Variants in CREB5 observed in about 807,000 individuals in gnomAD.
CREB5 encodes the protein cyclic AMP-responsive element-binding protein 5.
In CREB5, 19 loss-of-function variants were observed where a neutral mutation model predicts 57.1. The ratio of observed to expected loss-of-function variants is 0.33; its 90% CI spans 0.23 to 0.49. The LOEUF is 0.49. Ranked by LOEUF, CREB5 falls within the 20% of genes least tolerant of loss-of-function variation. The pLI is 0.99. For missense variants in CREB5, 579 were observed against 671.6 expected (o/e 0.86, Z 1.52); for synonymous variants, 238 against 238.3 (o/e 1.00, Z 0.01).
chr7:28,535,699 G>A (rs1384355785), intron 4 of CREB5, among the ~76,000 whole-genome samples: 1 of 151,994 alleles, frequency 6.6e-6, no homozygotes, highest in East Asian at 1.9e-4. Flanking sequence ...GAAAAAGGAA[G>A]AGAAGTAATG....
At chr7:28,796,982 G>A (rs1022224858) in intron 7 of CREB5, among the ~76,000 whole-genome samples, 33 of 152,224 alleles carry the variant, frequency 2.2e-4, no homozygotes, top group Non-Finnish European at 1.5e-5. Flanking sequence ...TCCAAGAGAC[G>A]CAGGGAAGTG....
At chr7:28,762,979 A>T (rs1805750428) in intron 7 of CREB5, among the ~76,000 whole-genome samples, 1 of 152,112 alleles carries the variant, frequency 6.6e-6, no homozygotes. Context: ...CTTGTTTCTT[A>T]CCTCCACAGC....
At chr7:28,684,867 AG>A (rs1303760454) in intron 5 of CREB5, among the ~76,000 whole-genome samples, 2 of 152,146 alleles carry the variant, frequency 1.3e-5, no homozygotes, top group African/African-American at 2.4e-5. Context: ...GGGGAGAAAT[AG>A]CAAAACGGAG....
intron 4 of CREB5, among the ~76,000 whole-genome samples, chr7:28,566,773 G>A (rs1393929399): frequency 2.0e-5 from 3 of 152,200 alleles, no homozygotes; most frequent in African/African-American, 7.2e-5. Flanking sequence ...GAAGACTGGA[G>A]AATTTGCAGA....
At chr7:28,658,854 T>C (rs1799438309) in intron 5 of CREB5, among the ~76,000 whole-genome samples, 1 of 150,852 alleles carries the variant, frequency 6.6e-6, no homozygotes. Context: ...AGCATAGACA[T>C]AGACTATTTC....
At chr7:28,719,237 A>G (rs1326722770) in intron 6 of CREB5, among the ~76,000 whole-genome samples, 1 of 146,826 alleles carries the variant, frequency 6.8e-6, no homozygotes, top group Admixed American at 6.9e-5. Flanking sequence ...TCGTCTAACC[A>G]GGACTCAGGA....
intron 1 of CREB5, among the ~76,000 whole-genome samples, chr7:28,305,425 G>A (rs1293820817): frequency 6.6e-6 from 1 of 152,204 alleles, no homozygotes; most frequent in African/African-American, 2.4e-5. Flanking sequence ...CGACATCAGT[G>A]TGGACGTCAG....
At chr7:28,542,670 G>C (rs1014716850) in intron 4 of CREB5, among the ~76,000 whole-genome samples, 3 of 151,992 alleles carry the variant, frequency 2.0e-5, no homozygotes, top group African/African-American at 7.3e-5. Flanking sequence ...GCTTTTAACT[G>C]CTGTTAAGAT....
chr7:28,786,104 T>C (rs1006583330), intron 7 of CREB5, among the ~76,000 whole-genome samples: 2 of 152,138 alleles, frequency 1.3e-5, no homozygotes, highest in African/African-American at 4.8e-5. Flanking sequence ...TTGTACTCAG[T>C]TTCATGGCTG....
At chr7:28,606,634 A>G (rs952419463) in intron 5 of CREB5, among the ~76,000 whole-genome samples, 18 of 152,082 alleles carry the variant, frequency 1.2e-4, no homozygotes, top group Admixed American at 2.0e-4. Context: ...TTTTTTATCT[A>G]TATGCCCCTT....
At chr7:28,567,905 C>T (rs890019147) in intron 4 of CREB5, among the ~76,000 whole-genome samples, 3 of 151,160 alleles carry the variant, frequency 2.0e-5, no homozygotes, top group Non-Finnish European at 4.4e-5. Flanking sequence ...TCTTCCAAAC[C>T]GATGGCTTAG....
At chr7:28,743,301 G>A (rs1288098128) in intron 7 of CREB5, among the ~76,000 whole-genome samples, 1 of 152,160 alleles carries the variant, frequency 6.6e-6, no homozygotes, top group Non-Finnish European at 1.5e-5. Context: ...GGGAGGCTAA[G>A]ATAGAAGGAT....
At chr7:28,577,235 T>C (rs1795941600) in intron 5 of CREB5, among the ~76,000 whole-genome samples, 2 of 152,220 alleles carry the variant, frequency 1.3e-5, no homozygotes, top group Admixed American at 6.5e-5. Flanking sequence ...TCTCATTCAC[T>C]GCCTCTTTTC....
chr7:28,490,892 C>G (rs1399249418), intron 2 of CREB5, among the ~76,000 whole-genome samples: 1 of 137,466 alleles, frequency 7.3e-6, no homozygotes, highest in Non-Finnish European at 1.7e-5. Context: ...TTGCTGTAAA[C>G]CCTTCTTCTT....
At chr7:28,628,420 C>T (rs1422553678) in intron 5 of CREB5, among the ~76,000 whole-genome samples, 3 of 152,172 alleles carry the variant, frequency 2.0e-5, no homozygotes, top group African/African-American at 4.8e-5. Flanking sequence ...GGCTTAGCAT[C>T]TGTCAGTCTA....
In CREB5 at chr7:28,348,382, T is replaced by G. The variant is rs558359130; in HGVS notation, c.-25+48941T>G. On this transcript the variant is annotated intron_variant, in intron 1 of 9. Coordinates refer to the CREB5 transcript ENST00000396299. ...CATGCGCCTGCTTTCTCTCTCTCTC[T>G]GTCTCTCTCTCTCTGTCTCTCTCTC... Among the ~76,000 whole-genome samples the G allele has an allele frequency of 3.1e-3, 227 of 73,974 alleles. 1 individual carries two copies. The highest frequency in any genetic ancestry group is 8.1e-3 in the African/African-American group (208 of 25,754). The allele number at this position is 73,974 out of a possible 152,430, so 48.5% of individuals were successfully genotyped here. A position where few individuals can be genotyped will look rare whatever the true frequency, so the allele number is the denominator to read the frequency against.
intron 1 of CREB5, among the ~76,000 whole-genome samples, chr7:28,388,295 G>A (rs1045383907): frequency 6.6e-6 from 1 of 152,174 alleles, no homozygotes; most frequent in Non-Finnish European, 1.5e-5. Flanking sequence ...CCAGAGCCCA[G>A]GCTGAGAAGA....
At chr7:28,599,335 T>G (rs1796816618) in intron 5 of CREB5, among the ~76,000 whole-genome samples, 1 of 152,196 alleles carries the variant, frequency 6.6e-6, no homozygotes, top group South Asian at 2.1e-4. Flanking sequence ...CCTGAAATAA[T>G]GCTAATTATA....
chr7:28,748,959 T>C (rs1804830628), intron 7 of CREB5, among the ~76,000 whole-genome samples: 2 of 152,184 alleles, frequency 1.3e-5, no homozygotes, highest in Non-Finnish European at 2.9e-5. Flanking sequence ...AGTGGGTGGC[T>C]GGGATTTATG....
Sources: allele counts gnomAD v4.1 joint callset (sites outside exome capture counted in the v4.1 genomes callset), GRCh38; gene constraint gnomAD v4.1.1; transcripts MANE v1.5; gene names NCBI Gene and HGNC (gene_info 2026-07-23, HGNC 2026-07-21).